The following ADAM2 variants were observed in gnomAD, a reference collection of about 807,000 sequenced individuals.
ADAM2 encodes ADAM metallopeptidase domain 2.
A neutral mutation model predicts 99.3 loss-of-function variants in ADAM2; 101 were observed. The observed-to-expected ratio is 1.02, with a 90% CI of 0.87 to 1.20. The LOEUF is 1.20. Ranked by LOEUF, ADAM2 falls within the 50% of genes most tolerant of loss-of-function variation. ADAM2 has a pLI of 0.00. For missense variants in ADAM2, 948 were observed against 878.7 expected, an observed-to-expected ratio of 1.08 and a Z score of -1.00; for synonymous variants, 323 against 287.6, an observed-to-expected ratio of 1.12 and a Z score of -1.25.
chr8:39,767,075 A>C (rs1802597254), intron 13 of ADAM2, 32 bp from the exon 14 acceptor site: 1 of 1,605,700 alleles, frequency 6.2e-7, no homozygotes, highest in South Asian at 1.1e-5. Context: ...TATTGAATTA[A>C]GCAGAATGAG....
intron 7 of ADAM2, among the ~76,000 whole-genome samples, chr8:39,799,104 C>A (rs140505157): frequency 6.6e-6 from 1 of 151,982 alleles, no homozygotes; most frequent in Admixed American, 6.6e-5. Flanking sequence ...TTTGCTCTTG[C>A]CTCTCTAGCT....
intron 10 of ADAM2, 44 bp from the exon 11 acceptor site, chr8:39,777,205 G>T (rs768604917): frequency 6.6e-7 from 1 of 1,506,864 alleles, no homozygotes; most frequent in South Asian, 1.2e-5. Context: ...AGATTATTTT[G>T]TTTACTGGGA....
In ADAM2 at chr8:39,788,716, T is replaced by C; in HGVS notation, c.595A>G (p.Thr199Ala). 1 of 1,574,274 alleles carries C rather than the reference T, an allele frequency of 6.4e-7. No homozygotes were observed. Among genetic ancestry groups the C allele is most frequent in the South Asian group, 1.2e-5 (1 of 86,462 alleles). Reference sequence around the variant, plus strand: ...TGGAAAACTTTTTGAGCGACAACAGTTGTATCAGACCCCATATGATTATAC... The same window carrying C: ...TGGAAAACTTTTTGAGCGACAACAGCTGTATCAGACCCCATATGATTATAC... ...QLYNHMGSDT[T>A]VVAQKVFQLI... The change falls in exon 8 of 21, where the codon ACT (threonine) becomes GCT (alanine). Residue 199 changes from threonine (T) to alanine (A), a missense_variant. Coordinates refer to ENST00000265708, the MANE Select transcript of ADAM2 (RefSeq NM_001464.5).
intron 7 of ADAM2, among the ~76,000 whole-genome samples, chr8:39,791,171 A>G (rs1803695809): frequency 6.6e-6 from 1 of 152,074 alleles, no homozygotes. Flanking sequence ...TCAAGAATCC[A>G]GGGAGAGATA....
chr8:39,779,985 G>T (rs1323019475), intron 10 of ADAM2, among the ~76,000 whole-genome samples: 1 of 152,080 alleles, frequency 6.6e-6, no homozygotes, highest in East Asian at 1.9e-4. Flanking sequence ...AATTCAAAGA[G>T]TGTATTAGTC....
intron 7 of ADAM2, among the ~76,000 whole-genome samples, chr8:39,796,274 G>A (rs1436811112): frequency 6.6e-6 from 1 of 152,054 alleles, no homozygotes; most frequent in African/African-American, 2.4e-5. Context: ...TCCCACTTAT[G>A]AGGGAGAACA....
chr8:39,769,358 A>T, intron 12 of ADAM2, 34 bp downstream of exon 12: 1 of 1,523,068 alleles, frequency 6.6e-7, no homozygotes, highest in Non-Finnish European at 8.9e-7. Flanking sequence ...TTTTGCTGCA[A>T]TTTCAGTGCG....
intron 6 of ADAM2, among the ~76,000 whole-genome samples, chr8:39,815,490 T>G (rs1804906934): frequency 5.3e-5 from 8 of 152,126 alleles, no homozygotes; most frequent in Admixed American, 4.6e-4. Flanking sequence ...TGAGATAGAA[T>G]AGGAATACAG....
intron 6 of ADAM2, among the ~76,000 whole-genome samples, chr8:39,819,881 G>A (rs1173874125): frequency 6.6e-6 from 1 of 151,744 alleles, no homozygotes; most frequent in Non-Finnish European, 1.5e-5. Flanking sequence ...ATTCTCTGGA[G>A]AACCCTGATA....
At chr8:39,761,868 T>TA (rs1802383062) in intron 14 of ADAM2, among the ~76,000 whole-genome samples, 1 of 152,046 alleles carries the variant, frequency 6.6e-6, no homozygotes, top group African/African-American at 2.4e-5. Flanking sequence ...GATCACGAGT[T>TA]AAGGAGATCG....
chr8:39,819,811 T>C (rs1805104089), intron 6 of ADAM2, among the ~76,000 whole-genome samples: 1 of 152,136 alleles, frequency 6.6e-6, no homozygotes, highest in African/African-American at 2.4e-5. Flanking sequence ...TCTCTGTATG[T>C]ACTCTCCCTC....
chr8:39,799,796 C>G (rs1187739748), intron 7 of ADAM2, among the ~76,000 whole-genome samples: 2 of 152,182 alleles, frequency 1.3e-5, no homozygotes, highest in Non-Finnish European at 2.9e-5. Flanking sequence ...TAGTGTCCTT[C>G]TTTGTCTTTT....
rs199802183 is a variant in ADAM2, at chr8:39,838,168, A to C, written c.18T>G (p.Phe6Leu). MWRVL[F>L]LLSGLGGLRM... Reference sequence around the variant, plus strand: ...GCAGCCCGCCGAGCCCGCTGAGCAGAAACAAGACGCGCCACATGGCTTGAA... The same window carrying C: ...GCAGCCCGCCGAGCCCGCTGAGCAGCAACAAGACGCGCCACATGGCTTGAA... The change falls in exon 1 of 21, where the codon TTT (phenylalanine) becomes TTG (leucine). Residue 6 changes from phenylalanine (F) to leucine (L), a missense_variant. Transcript: ENST00000265708. 5.1e-4 allele frequency: 827 copies of C among 1,614,178 alleles called. 6 individuals carry two copies. In the East Asian group the frequency reaches 0.017, roughly 34 times the overall value.
intron 6 of ADAM2, among the ~76,000 whole-genome samples, chr8:39,810,113 A>C (rs1804631522): frequency 6.6e-6 from 1 of 152,198 alleles, no homozygotes; most frequent in Non-Finnish European, 1.5e-5. Context: ...TGGAAAACAA[A>C]AAAAAAGCAG....
At chr8:39,745,864 A>G (rs1001116218) in intron 19 of ADAM2, among the ~76,000 whole-genome samples, 2 of 152,100 alleles carry the variant, frequency 1.3e-5, no homozygotes, top group African/African-American at 2.4e-5. Context: ...GAAGATAGAT[A>G]AACTTTAAAG....
chr8:39,812,799 C>A (rs1355492749), intron 6 of ADAM2, among the ~76,000 whole-genome samples: 1 of 152,092 alleles, frequency 6.6e-6, no homozygotes, highest in African/African-American at 2.4e-5. Context: ...AATGTTAGAC[C>A]TAAAACCATG....
intron 3 of ADAM2, among the ~76,000 whole-genome samples, chr8:39,831,130 TTAA>T (rs1435602538): frequency 6.6e-6 from 1 of 152,164 alleles, no homozygotes; most frequent in Non-Finnish European, 1.5e-5. Context: ...GTCTATGGTA[TTAA>T]TATTTTGTTA....
intron 7 of ADAM2, among the ~76,000 whole-genome samples, chr8:39,794,344 G>A (rs1803846896): frequency 6.6e-6 from 1 of 152,032 alleles, no homozygotes; most frequent in East Asian, 1.9e-4. Context: ...TAGAAATATG[G>A]GAATGAATTC....
intron 7 of ADAM2, among the ~76,000 whole-genome samples, chr8:39,793,509 A>C (rs1040225794): frequency 5.9e-5 from 9 of 152,198 alleles, no homozygotes; most frequent in African/African-American, 2.2e-4. Context: ...GATTACAATG[A>C]GAAACCTGAC....
Sources: gnomAD v4.1 joint callset for allele counts (sites outside exome capture counted in the v4.1 genomes callset) on GRCh38, gnomAD v4.1.1 for gene constraint, MANE v1.5 for transcripts, NCBI Gene and HGNC (gene_info 2026-07-23, HGNC 2026-07-21) for gene names.